The following PTN variants were observed in gnomAD, a reference collection of about 807,000 sequenced individuals.
The protein encoded by PTN is pleiotrophin.
A neutral mutation model predicts 24.1 loss-of-function variants in PTN; 18 were observed. The observed-to-expected ratio is 0.75, with a 90% CI of 0.52 to 1.11. PTN has a LOEUF of 1.11. Ranked by LOEUF, PTN falls within the 50% of genes least tolerant of loss-of-function variation. PTN has a pLI of 0.00. For synonymous variants in PTN, 78 were observed against 68.6 expected, an observed-to-expected ratio of 1.14 and a Z score of -0.67; for missense variants, 163 against 198.8, an observed-to-expected ratio of 0.82 and a Z score of 1.08.
chr7:137,260,748 C>A (rs957987893), intron 1 of PTN, among the ~76,000 whole-genome samples: 1 of 152,078 alleles, frequency 6.6e-6, no homozygotes, highest in Non-Finnish European at 1.5e-5. Flanking sequence ...CAGGTGCTAT[C>A]CCTTTGGTAA....
At chr7:137,278,185 T>C (rs1284618873) in intron 1 of PTN, among the ~76,000 whole-genome samples, 4 of 150,020 alleles carry the variant, frequency 2.7e-5, no homozygotes, top group South Asian at 2.1e-4. Context: ...CGGGCGCCTG[T>C]AGTCCCAGCT....
At chr7:137,237,775 A>G (rs1808549696) in intron 4 of PTN, among the ~76,000 whole-genome samples, 1 of 152,170 alleles carries the variant, frequency 6.6e-6, no homozygotes, top group Admixed American at 6.6e-5. Flanking sequence ...CAAAAGGTAG[A>G]TCTGAAGATC....
At chr7:137,277,892 TAGATAGATG>T (rs1294590857) in intron 1 of PTN, among the ~76,000 whole-genome samples, 14 of 138 alleles carry the variant, frequency 0.1, no homozygotes, top group Non-Finnish European at 0.15. Context: ...TGTAGATAGA[TAGATAGATG>T]AGATGATAGA....
chr7:137,325,799 G>A (rs1355430719), intron 1 of PTN: 2 of 152,204 alleles, frequency 1.3e-5, no homozygotes, highest in Admixed American at 1.3e-4. Context: ...CTCTGCATGA[G>A]TGAATCAGTG....
intron 1 of PTN, among the ~76,000 whole-genome samples, chr7:137,313,724 A>G (rs1321023366): frequency 4.6e-5 from 7 of 152,206 alleles, no homozygotes; most frequent in Admixed American, 6.5e-5. Context: ...ATGAGTAACT[A>G]ATCTGAAAAT....
At chr7:137,291,840 A>C (rs1809643134) in intron 1 of PTN, among the ~76,000 whole-genome samples, 2 of 152,180 alleles carry the variant, frequency 1.3e-5, no homozygotes, top group Admixed American at 1.3e-4. Context: ...CTGAAACATA[A>C]ATTTCTAGCC....
At chr7:137,310,023 A>G (rs1809953381) in intron 1 of PTN, among the ~76,000 whole-genome samples, 1 of 152,226 alleles carries the variant, frequency 6.6e-6, no homozygotes, top group South Asian at 2.1e-4. Context: ...ATAGCCTGCA[A>G]AATGTATTTC....
chr7:137,336,624 T>C (rs567559318), intron 1 of PTN, among the ~76,000 whole-genome samples: 16 of 152,134 alleles, frequency 1.1e-4, no homozygotes, highest in Admixed American at 6.6e-4. Flanking sequence ...AGGAAGAAAA[T>C]GGTATGAGCA....
At chr7:137,295,663 ATAT>A (rs1194413894) in intron 1 of PTN, among the ~76,000 whole-genome samples, 2 of 152,118 alleles carry the variant, frequency 1.3e-5, no homozygotes, top group Non-Finnish European at 2.9e-5. Flanking sequence ...TAAATAAAAT[ATAT>A]TATTAGAATT....
At chr7:137,257,449 G>A (rs908667626) in intron 1 of PTN, among the ~76,000 whole-genome samples, 3 of 152,178 alleles carry the variant, frequency 2.0e-5, no homozygotes, top group African/African-American at 2.4e-5. Flanking sequence ...TAGACTCATA[G>A]GTTTGCAAGT....
chr7:137,239,075 C>T (rs1209803344), intron 4 of PTN, among the ~76,000 whole-genome samples: 5 of 152,170 alleles, frequency 3.3e-5, no homozygotes, highest in Admixed American at 2.0e-4. Context: ...AAAGCAGACA[C>T]ACAGTTTGAA....
chr7:137,245,106 T>A (rs1266618421), intron 4 of PTN, among the ~76,000 whole-genome samples: 1 of 152,198 alleles, frequency 6.6e-6, no homozygotes, highest in Non-Finnish European at 1.5e-5. Context: ...ACCAAGTGGT[T>A]TGCATATTAA....
chr7:137,268,627 C>G (rs1466283086), intron 1 of PTN, among the ~76,000 whole-genome samples: 4 of 152,152 alleles, frequency 2.6e-5, no homozygotes, highest in Non-Finnish European at 5.9e-5. Context: ...CATACAATGT[C>G]TGGAATCTGT....
At chr7:137,293,598 C>T (rs1180728956) in intron 1 of PTN, among the ~76,000 whole-genome samples, 1 of 151,980 alleles carries the variant, frequency 6.6e-6, no homozygotes, top group Non-Finnish European at 1.5e-5. Flanking sequence ...AAACTCATGT[C>T]CTGACTTTAC....
intron 1 of PTN, among the ~76,000 whole-genome samples, chr7:137,309,514 T>C (rs542217824): frequency 1.3e-5 from 2 of 152,302 alleles, no homozygotes; most frequent in South Asian, 2.1e-4. Context: ...GTGATGGTGT[T>C]TGATAACATT....
chr7:137,296,429 G>T (rs1357578871), intron 1 of PTN, among the ~76,000 whole-genome samples: 2 of 152,162 alleles, frequency 1.3e-5, no homozygotes, highest in Non-Finnish European at 2.9e-5. Context: ...AGAGCTAAGG[G>T]AATGGGGAAC....
intron 1 of PTN, among the ~76,000 whole-genome samples, chr7:137,303,066 A>G (rs1809832340): frequency 1.3e-5 from 2 of 151,976 alleles, no homozygotes; most frequent in South Asian, 4.1e-4. Context: ...TTGTTTTACA[A>G]CATTCTCACT....
chr7:137,310,405 T>G (rs145024012), intron 1 of PTN, among the ~76,000 whole-genome samples: 56 of 21,826 alleles, frequency 2.6e-3, no homozygotes, highest in African/African-American at 0.025. Context: ...TTTTTTTTTG[T>G]TTTTTTTTTT....
chr7:137,287,130 G>C (rs538878181), intron 1 of PTN, among the ~76,000 whole-genome samples: 1 of 152,130 alleles, frequency 6.6e-6, no homozygotes, highest in East Asian at 1.9e-4. Flanking sequence ...AAATCTCTGT[G>C]CTATGTTTAC....
Sources: gnomAD v4.1 joint callset for allele counts (sites outside exome capture counted in the v4.1 genomes callset) on GRCh38, gnomAD v4.1.1 for gene constraint, MANE v1.5 for transcripts, NCBI Gene and HGNC (gene_info 2026-07-23, HGNC 2026-07-21) for gene names.